The following IQCM variants were observed in gnomAD, a reference collection of about 807,000 sequenced individuals.
IQCM encodes IQ motif containing M, also known as IQ domain-containing protein M.
A neutral mutation model predicts 57.6 loss-of-function variants in IQCM; 45 were observed. The observed-to-expected ratio is 0.78, with a 90% CI of 0.62 to 1.00. IQCM has a LOEUF of 1.00. Among genes scored for constraint, IQCM ranks in the 50% least tolerant of loss-of-function variants. IQCM has a pLI of 0.00. For synonymous variants in IQCM, 148 were observed against 158.9 expected (o/e 0.93, Z 0.51); for missense variants, 468 against 511.6 (o/e 0.91, Z 0.82).
chr4:149,756,669 A>G (rs1244699600), intron 2 of IQCM, among the ~76,000 whole-genome samples: 1 of 152,192 alleles, frequency 6.6e-6, no homozygotes, highest in African/African-American at 2.4e-5. Flanking sequence ...ACTTACAAAA[A>G]TTTAAAAGAG....
intron 12 of IQCM, among the ~76,000 whole-genome samples, chr4:149,485,813 T>C (rs1047593762): frequency 2.0e-5 from 3 of 152,112 alleles, no homozygotes; most frequent in Non-Finnish European, 4.4e-5. Flanking sequence ...GTATCTATTG[T>C]AGTCTTCACA....
At chr4:149,409,557 C>A (rs1733224584) in intron 13 of IQCM, among the ~76,000 whole-genome samples, 1 of 152,176 alleles carries the variant, frequency 6.6e-6, no homozygotes. Flanking sequence ...TTCACCAACT[C>A]CCTTTTTGAA....
intron 7 of IQCM, among the ~76,000 whole-genome samples, chr4:149,665,418 C>T (rs1221388465): frequency 6.6e-6 from 1 of 152,130 alleles, no homozygotes; most frequent in Non-Finnish European, 1.5e-5. Flanking sequence ...CCTGTCCTAG[C>T]AGGGAAGACA....
At chr4:149,618,923 T>G (rs1179840500) in intron 8 of IQCM, among the ~76,000 whole-genome samples, 1 of 152,016 alleles carries the variant, frequency 6.6e-6, no homozygotes, top group Non-Finnish European at 1.5e-5. Context: ...AGTCTGGAGA[T>G]TTCTCAGAAC....
chr4:149,593,270 T>C (rs1753394534), intron 8 of IQCM, among the ~76,000 whole-genome samples: 1 of 152,150 alleles, frequency 6.6e-6, no homozygotes, highest in Non-Finnish European at 1.5e-5. Flanking sequence ...CTGTTATTGG[T>C]GTATAGGAAT....
chr4:149,515,067 T>A (rs1463518836), intron 12 of IQCM, among the ~76,000 whole-genome samples: 1 of 126,492 alleles, frequency 7.9e-6, no homozygotes, highest in African/African-American at 3.2e-5. Context: ...CCCATATATA[T>A]ACACGTGTGT....
intron 2 of IQCM, among the ~76,000 whole-genome samples, chr4:149,759,319 GT>G (rs1686725636): frequency 6.6e-6 from 1 of 152,076 alleles, no homozygotes; most frequent in Non-Finnish European, 1.5e-5. Flanking sequence ...AATACACCAC[GT>G]AACGGTGAAT....
chr4:149,499,043 C>T (rs932344511), intron 12 of IQCM, among the ~76,000 whole-genome samples: 1 of 152,062 alleles, frequency 6.6e-6, no homozygotes, highest in African/African-American at 2.4e-5. Flanking sequence ...CTTGTAATTA[C>T]CAGCATATTT....
chr4:149,357,054 A>G (rs1011047927), intron 13 of IQCM, among the ~76,000 whole-genome samples: 1 of 152,056 alleles, frequency 6.6e-6, no homozygotes, highest in African/African-American at 2.4e-5. Flanking sequence ...TTTGTCTGTT[A>G]TTGGTGTAAA....
intron 9 of IQCM, among the ~76,000 whole-genome samples, chr4:149,587,183 T>C (rs192037582): frequency 1.3e-5 from 2 of 151,910 alleles, no homozygotes; most frequent in East Asian, 3.9e-4. Context: ...CTGCATGACG[T>C]TGGAAAAGCT....
At chr4:149,491,346 T>C (rs998050971) in intron 12 of IQCM, among the ~76,000 whole-genome samples, 3 of 152,134 alleles carry the variant, frequency 2.0e-5, no homozygotes, top group African/African-American at 4.8e-5. Context: ...TTATTAACTA[T>C]AGTCACCATC....
intron 12 of IQCM, among the ~76,000 whole-genome samples, chr4:149,504,021 G>A (rs1318790732): frequency 6.6e-6 from 1 of 151,700 alleles, no homozygotes; most frequent in Non-Finnish European, 1.5e-5. Flanking sequence ...AATTTAAAGT[G>A]GTAAGTTTCA....
intron 13 of IQCM, among the ~76,000 whole-genome samples, chr4:149,358,461 G>C (rs1179300740): frequency 2.0e-5 from 3 of 152,060 alleles, no homozygotes; most frequent in African/African-American, 7.2e-5. Flanking sequence ...GTTCTTGTTG[G>C]TTTCAAAGAA....
At chr4:149,561,594 A>G (rs1031937350) in intron 10 of IQCM, among the ~76,000 whole-genome samples, 1 of 152,188 alleles carries the variant, frequency 6.6e-6, no homozygotes, top group Admixed American at 6.6e-5. Flanking sequence ...GAAACAAACA[A>G]GACAGATACC....
intron 7 of IQCM, among the ~76,000 whole-genome samples, chr4:149,642,191 C>T (rs1758254724): frequency 1.3e-5 from 2 of 152,108 alleles, no homozygotes; most frequent in Non-Finnish European, 2.9e-5. Context: ...CAAGCCAAAC[C>T]AACTTTGCTT....
intron 13 of IQCM, among the ~76,000 whole-genome samples, chr4:149,371,609 G>A (rs1038750657): frequency 6.6e-6 from 1 of 152,034 alleles, no homozygotes; most frequent in South Asian, 2.1e-4. Flanking sequence ...TATGGACCTC[G>A]GATTTTGCGA....
At chr4:149,408,469 T>C (rs537662146) in intron 13 of IQCM, among the ~76,000 whole-genome samples, 87 of 152,314 alleles carry the variant, frequency 5.7e-4, no homozygotes, top group African/African-American at 2.0e-3. Flanking sequence ...TACCTCTGAA[T>C]GCCTTTTGTT....
At position 149,691,196 on chromosome 4, in the gene IQCM, C is replaced by T. The variant is rs35511334; in HGVS notation, c.386-4728G>A. Among the ~76,000 whole-genome samples, 574 of 152,248 alleles carry T rather than the reference C, an allele frequency of 3.8e-3. 2 individuals carry two copies. Among genetic ancestry groups the T allele is most frequent in the Non-Finnish European group, 5.5e-3 (372 of 68,018 alleles). ...ACATCCCATAGATTAAGTACTATTA[C>T]TATCTCCATTTTACAGATGAGGAAA... On this transcript the variant is annotated intron_variant, in intron 5 of 13. Coordinates refer to ENST00000636793, the MANE Select transcript of IQCM (RefSeq NM_001363507.2).
chr4:149,454,894 G>C (rs1485761861), intron 12 of IQCM, among the ~76,000 whole-genome samples: 2 of 151,898 alleles, frequency 1.3e-5, no homozygotes, highest in African/African-American at 4.8e-5. Flanking sequence ...ACTGCTAATG[G>C]ATACAAGGTT....
Sources: gnomAD v4.1 joint callset for allele counts (sites outside exome capture counted in the v4.1 genomes callset) on GRCh38, gnomAD v4.1.1 for gene constraint, MANE v1.5 for transcripts, NCBI Gene and HGNC (gene_info 2026-07-23, HGNC 2026-07-21) for gene names.